Variants in CFAP58 observed in about 807,000 individuals in gnomAD.
CFAP58 encodes cilia- and flagella-associated protein 58.
CFAP58 carries 88 observed loss-of-function variants against 119.5 expected under a neutral mutation model. The observed-to-expected ratio is 0.74, with a 90% confidence interval of 0.62 to 0.88. CFAP58 has a LOEUF of 0.88. Ranked by LOEUF, CFAP58 falls within the 40% of genes least tolerant of loss-of-function variation. The pLI, the probability that CFAP58 is intolerant of heterozygous loss-of-function variation, is 0.00. For missense variants in CFAP58, 990 were observed against 1,021.2 expected (o/e 0.97, Z 0.42); for synonymous variants, 365 against 366.3 (o/e 1.00, Z 0.04).
At chr10:104,375,241 TA>T (rs1340736420) in intron 7 of CFAP58, among the ~76,000 whole-genome samples, 1 of 150,198 alleles carries the variant, frequency 6.7e-6, no homozygotes, top group Non-Finnish European at 1.5e-5. Flanking sequence ...AATATATATA[TA>T]AATATATGTA....
intron 1 of CFAP58, among the ~76,000 whole-genome samples, chr10:104,357,838 CACATATGT>C (rs2014571984): frequency 2.8e-5 from 2 of 71,934 alleles, no homozygotes; most frequent in African/African-American, 7.0e-5. Context: ...CATATATGTA[CACATATGT>C]ACACATATAT....
chr10:104,358,050 T>C lies in CFAP58; in HGVS notation c.10-291T>C, dbSNP rs369590941. On this transcript the variant is annotated intron_variant, in intron 1 of 17. Transcript: ENST00000369704. ...ATATACATATGTACATATACACACA[T>C]ATATGTACATATATACACATATGTA... Among the ~76,000 whole-genome samples, 3 of 147,428 alleles carry C rather than the reference T, an allele frequency of 2.0e-5. No homozygotes were observed. The South Asian group carries it at 6.3e-4, about 31-fold the overall frequency.
intron 15 of CFAP58, among the ~76,000 whole-genome samples, chr10:104,437,160 A>G (rs940737811): frequency 6.6e-6 from 1 of 152,222 alleles, no homozygotes. Flanking sequence ...AGGGATAACA[A>G]CAATCAGCTC....
At chr10:104,354,704 C>T (rs796836604) in intron 1 of CFAP58, among the ~76,000 whole-genome samples, 4 of 152,282 alleles carry the variant, frequency 2.6e-5, no homozygotes, top group African/African-American at 9.6e-5. Context: ...GGACCAGCTA[C>T]ATGATTTGCA....
chr10:104,431,796 T>C (rs1401414884), intron 15 of CFAP58, among the ~76,000 whole-genome samples: 1 of 152,208 alleles, frequency 6.6e-6, no homozygotes, highest in Non-Finnish European at 1.5e-5. Context: ...TGTGTAAAAT[T>C]ACTTGGTACA....
intron 1 of CFAP58, among the ~76,000 whole-genome samples, chr10:104,357,131 G>A (rs898189463): frequency 7.2e-5 from 11 of 152,062 alleles, no homozygotes; most frequent in Admixed American, 1.3e-4. Context: ...CCTTTTTGGG[G>A]GACACAATTC....
At position 104,358,623 on chromosome 10, in the gene CFAP58, G is replaced by A. The variant is rs966167307; in HGVS notation, c.291+1G>A. 4 of 1,604,026 alleles carry A rather than the reference G, an allele frequency of 2.5e-6. No homozygotes were observed. The African/African-American group carries it at 5.4e-5, about 22-fold the overall frequency. On this transcript the variant is annotated splice_donor_variant, in intron 2 of 17. Transcript: ENST00000369704. LOFTEE classifies it high-confidence loss of function. The stretch of plus-strand genomic sequence containing the variant: ...GACCACCATTGCATCCCTAAAGAAG[G>A]TCAGTGATCTTCTAGAAATGGAATG...
rs2011754712 is a variant in CFAP58, at chr10:104,380,141, A to G, written c.1286A>G (p.Gln429Arg). 1.2e-6 allele frequency: 2 copies of G among 1,613,816 alleles called. No homozygotes were observed. Among genetic ancestry groups the G allele is most frequent in the African/African-American group, 2.7e-5 (2 of 74,928 alleles). Residue 429 changes from glutamine to arginine, a missense_variant, in exon 9 of 18, where the codon CAG becomes CGG. Coordinates refer to ENST00000369704, the MANE Select transcript of CFAP58 (RefSeq NM_001008723.2). ...GEIQNYKDEA[Q>R]KQRKIIFHLE... ...ATCCAGAACTACAAGGATGAGGCTC[A>G]GAAGCAGAGAAAGATCATCTTTCAT...
intron 15 of CFAP58, among the ~76,000 whole-genome samples, chr10:104,416,817 G>A (rs992452983): frequency 6.6e-6 from 1 of 152,208 alleles, no homozygotes; most frequent in Non-Finnish European, 1.5e-5. Flanking sequence ...ATGGGTACCT[G>A]GTGGAGCATT....
intron 5 of CFAP58, 43 bp downstream of exon 5, chr10:104,366,051 A>G (rs1475117604): frequency 6.8e-7 from 1 of 1,474,690 alleles, no homozygotes; most frequent in Non-Finnish European, 9.0e-7. Flanking sequence ...AGAAAAACCC[A>G]GAATGGCACC....
In CFAP58 at chr10:104,364,926, T is replaced by C. The variant is rs759391796; in HGVS notation, c.597+37T>C. The C allele has an allele frequency of 1.0e-5, 16 of 1,596,354 alleles. No homozygotes were observed. In the Admixed American group the frequency reaches 2.7e-4, roughly 27 times the overall value. ...AGGGCAAGAAGAAGGAATATTTCCT[T>C]CCAGAGGATGTTTGTCCCTCCACAG... is the stretch of plus-strand genomic sequence containing the variant. On this transcript the variant is annotated intron_variant, in intron 4 of 17. Coordinates refer to ENST00000369704, the MANE Select transcript of CFAP58 (RefSeq NM_001008723.2).
chr10:104,344,026 G>T, the CFAP58 span, among the ~76,000 whole-genome samples: 2 of 152,076 alleles, frequency 1.3e-5, no homozygotes, highest in African/African-American at 4.8e-5. Context: ...TACAGGAGTG[G>T]GTCACTATGC....
At chr10:104,446,437 G>T (rs541217665) in intron 15 of CFAP58, among the ~76,000 whole-genome samples, 41 of 152,242 alleles carry the variant, frequency 2.7e-4, no homozygotes, top group Middle Eastern at 6.8e-3. Flanking sequence ...CAATAATTTG[G>T]CCAGGGAAAA....
At chr10:104,403,511 C>T (rs964406156) in intron 13 of CFAP58, among the ~76,000 whole-genome samples, 2 of 133,136 alleles carry the variant, frequency 1.5e-5, no homozygotes, top group Non-Finnish European at 3.2e-5. Flanking sequence ...AGCCCTGGCA[C>T]TTTTTTTTTT....
intron 16 of CFAP58, among the ~76,000 whole-genome samples, chr10:104,449,161 GT>G (rs35684849): frequency 0.059 from 8,450 of 142,058 alleles, 551 homozygotes; most frequent in African/African-American, 0.16. Flanking sequence ...ACTGAGACAG[GT>G]TTTTTTTTTT....
intron 8 of CFAP58, among the ~76,000 whole-genome samples, chr10:104,379,535 T>C (rs1225259106): frequency 6.6e-6 from 1 of 152,258 alleles, no homozygotes; most frequent in Non-Finnish European, 1.5e-5. Context: ...TATTGGGTCA[T>C]GTGTTAATTC....
intron 15 of CFAP58, among the ~76,000 whole-genome samples, chr10:104,436,435 T>C (rs912321400): frequency 3.9e-5 from 6 of 152,184 alleles, no homozygotes; most frequent in African/African-American, 1.4e-4. Flanking sequence ...CTCATCGTTC[T>C]GTAGACTGTC....
intron 17 of CFAP58, among the ~76,000 whole-genome samples, 192 bp from the exon 18 acceptor site, chr10:104,454,230 C>T (rs963799941): frequency 3.3e-5 from 5 of 152,122 alleles, no homozygotes; most frequent in Non-Finnish European, 7.4e-5. Context: ...GCATATTTTG[C>T]ATTTAATTGT....
chr10:104,442,860 C>T (rs2013060736), intron 15 of CFAP58, among the ~76,000 whole-genome samples: 1 of 152,118 alleles, frequency 6.6e-6, no homozygotes, highest in African/African-American at 2.4e-5. Context: ...CTCATAGGAC[C>T]AGCTCAATAA....
Sources: allele counts gnomAD v4.1 joint callset (sites outside exome capture counted in the v4.1 genomes callset), GRCh38; gene constraint gnomAD v4.1.1; transcripts MANE v1.5; gene names NCBI Gene and HGNC (gene_info 2026-07-23, HGNC 2026-07-21).